The following CSMD3 variants were observed in gnomAD, a reference collection of about 807,000 sequenced individuals.
CSMD3 encodes CUB and Sushi multiple domains 3.
In CSMD3, 177 loss-of-function variants were observed where a neutral mutation model predicts 435.2. The observed-to-expected ratio is 0.41, with a 90% CI of 0.36 to 0.46. CSMD3 has a LOEUF of 0.46. CSMD3 is among the 20% of genes least tolerant of loss of function. CSMD3 has a pLI of 0.34. For missense variants in CSMD3, 4,265 were observed against 4,504.6 expected, an observed-to-expected ratio of 0.95 and a Z score of 1.52; for synonymous variants, 1,656 against 1,520.5, an observed-to-expected ratio of 1.09 and a Z score of -2.07.
chr8:113,215,738 T>A (rs2092896919), intron 3 of CSMD3, among the ~76,000 whole-genome samples: 1 of 151,916 alleles, frequency 6.6e-6, no homozygotes, highest in South Asian at 2.1e-4. Flanking sequence ...TTTTCTCTTC[T>A]GTATTACACA....
chr8:112,418,892 T>G (rs2130244687), intron 32 of CSMD3, among the ~76,000 whole-genome samples: 1 of 152,286 alleles, frequency 6.6e-6, no homozygotes, highest in South Asian at 2.1e-4. Context: ...TCACAAATAT[T>G]ATTTAAAATA....
chr8:112,552,601 T>C lies in CSMD3; in HGVS notation c.4354A>G (p.Ile1452Val), dbSNP rs1160249878. 6 of 1,611,940 alleles carry C rather than the reference T, an allele frequency of 3.7e-6. No homozygotes were observed. The highest frequency in any genetic ancestry group is 1.6e-4 in the Middle Eastern group (1 of 6,074). ...MWMIEVDPGN[I>V]VSLQFLAFDT... ...AAAATGAAATTCATTTACCTGACAA[T>C]ATTTCCAGGATCTACCTCAATCATC... Residue 1452 changes from isoleucine (I) to valine (V), a missense_variant, in exon 26 of 71, where the codon ATT (isoleucine) becomes GTT (valine). Physicochemically the swap from Ile to Val is conservative, Grantham distance 29. Around this residue, in one of 3 missense-constraint regions of CSMD3, gnomAD observed 3,255 missense variants for 3,380.2 expected, o/e 0.96. Coordinates refer to ENST00000297405, the MANE Select transcript of CSMD3 (RefSeq NM_198123.2).
intron 12 of CSMD3, among the ~76,000 whole-genome samples, chr8:112,801,205 G>C (rs989493693): frequency 6.6e-6 from 1 of 151,990 alleles, no homozygotes; most frequent in African/African-American, 2.4e-5. Context: ...CATCAGGAAA[G>C]TATAAAGTTT....
At chr8:113,382,704 G>A (rs1035957531) in intron 1 of CSMD3, among the ~76,000 whole-genome samples, 21 of 152,104 alleles carry the variant, frequency 1.4e-4, no homozygotes, top group Non-Finnish European at 2.4e-4. Context: ...AGTTGGCCAG[G>A]CGTGGTGGCT....
At chr8:112,407,166 T>C (rs73700696) in intron 34 of CSMD3, among the ~76,000 whole-genome samples, 3,099 of 151,954 alleles carry the variant, frequency 0.02, 102 homozygotes, top group African/African-American at 0.07. Context: ...ACAGATTTTA[T>C]AAAGGCAAAC....
At chr8:113,024,294 GTGTGTGTGTGTGTGTGTGTGTGTGTT>G (rs1367606023) in intron 5 of CSMD3, among the ~76,000 whole-genome samples, 24 of 480 alleles carry the variant, frequency 0.05, no homozygotes, top group South Asian at 0.41. Flanking sequence ...AGTATTGTGT[GTGTGTGTGTGTGTGTGTGTGTGTGTT>G]TGTGTGTGTG....
At chr8:113,338,167 C>T (rs72670769) in intron 1 of CSMD3, among the ~76,000 whole-genome samples, 19,822 of 151,696 alleles carry the variant, frequency 0.13, 2,255 homozygotes, top group African/African-American at 0.31. Context: ...CAAAAGAGCA[C>T]ATGAAAAGAT....
chr8:112,574,442 C>T (rs1829781919), intron 23 of CSMD3, among the ~76,000 whole-genome samples: 1 of 151,826 alleles, frequency 6.6e-6, no homozygotes, highest in African/African-American at 2.4e-5. Flanking sequence ...TACGTGTAAC[C>T]TCATGTTTTT....
intron 11 of CSMD3, among the ~76,000 whole-genome samples, chr8:112,830,534 A>G (rs1294842585): frequency 6.6e-6 from 1 of 152,136 alleles, no homozygotes; most frequent in Non-Finnish European, 1.5e-5. Context: ...TGTAATTAAG[A>G]ATCAGTACAG....
rs373557662 is a variant in CSMD3 at position 112,921,649 on chromosome 8, A to T, written c.1611T>A (p.Ser537Arg). 1 of 1,612,654 alleles carries T rather than the reference A, an allele frequency of 6.2e-7. No homozygotes were observed. Among genetic ancestry groups the T allele is most frequent in the African/African-American group, 1.3e-5 (1 of 74,828 alleles). ...TACCTTTACACACAGGCCTGTGATC[A>T]CTCCAAGCAGCAAAAACTTCAGCTA... ...QRIAEVFAAW[S>R]DHRPVCKVKT... Residue 537 changes from serine to arginine, a missense_variant, in exon 10 of 71, where the codon AGT becomes AGA. Physicochemically the swap from Ser to Arg is moderately radical, Grantham distance 110. Transcript: ENST00000297405.
At chr8:112,542,880 T>A (rs575628387) in intron 27 of CSMD3, among the ~76,000 whole-genome samples, 6 of 151,636 alleles carry the variant, frequency 4.0e-5, no homozygotes, top group African/African-American at 1.5e-4. Context: ...TATAGAACAA[T>A]GGAAGAGAAT....
intron 3 of CSMD3, among the ~76,000 whole-genome samples, chr8:113,223,261 T>C (rs574788628): frequency 2.9e-4 from 44 of 150,762 alleles, no homozygotes; most frequent in Admixed American, 1.9e-3. Context: ...TATTGTTAGC[T>C]CAATGAAATT....
intron 3 of CSMD3, among the ~76,000 whole-genome samples, chr8:113,189,126 TC>T (rs975393986): frequency 2.2e-4 from 33 of 152,014 alleles, no homozygotes; most frequent in African/African-American, 7.9e-4. Flanking sequence ...AGTTCATTTA[TC>T]TTTACTGAGA....
intron 1 of CSMD3, among the ~76,000 whole-genome samples, chr8:113,401,515 T>C (rs1358477593): frequency 6.6e-6 from 1 of 151,682 alleles, no homozygotes; most frequent in African/African-American, 2.4e-5. Flanking sequence ...CGCCTACATT[T>C]CACATATTGT....
rs2355201 is a variant in CSMD3, at chr8:112,763,704, T to A, written c.1972+36458A>T. Among the ~76,000 whole-genome samples the A allele has an allele frequency of 2.1e-3, 312 of 150,672 alleles. 1 individual carries two copies. The highest frequency in any genetic ancestry group is 7.2e-3 in the African/African-American group (298 of 41,266). ...GGAGTTTGCTATTATAATTTTTTTT[T>A]ATTTTATTTATTGAGCTTTGCTTCT... On this transcript the variant is annotated intron_variant, in intron 13 of 70. Transcript: ENST00000297405.
intron 30 of CSMD3, 128 bp from the exon 31 acceptor site, chr8:112,492,811 A>ACT: frequency 1.3e-6 from 1 of 783,608 alleles, no homozygotes; most frequent in African/African-American, 1.7e-5. Flanking sequence ...CTGTATCTGT[A>ACT]CTGAATATAT....
At chr8:112,543,979 A>G (rs1034230315) in intron 27 of CSMD3, among the ~76,000 whole-genome samples, 1 of 152,184 alleles carries the variant, frequency 6.6e-6, no homozygotes, top group African/African-American at 2.4e-5. Context: ...CAGAAACACA[A>G]CTACTGCATG....
At position 112,804,660 on chromosome 8, in the gene CSMD3, AT is replaced by A. The variant is rs1308702377; in HGVS notation, c.1860-4387del. On this transcript the variant is annotated intron_variant, in intron 12 of 70. Transcript: ENST00000297405. ...CATGCTAACTCATTGCATTTATTTTATTTTATTTTATTTTATTTTTTTTGAG... is the reference window on the plus strand; with the variant it reads ...CATGCTAACTCATTGCATTTATTTTATTTATTTTATTTTATTTTTTTTGAG... 2.6e-3 allele frequency among the ~76,000 whole-genome samples: 16 copies of A among 6,158 alleles called. No individual in the cohort carries two copies. In the East Asian group the frequency reaches 0.1, roughly 38 times the overall value. 4.0% of individuals were successfully genotyped at this position (6,158 alleles called of 152,430 possible). A position where few individuals can be genotyped will look rare whatever the true frequency, so the allele number is the denominator to read the frequency against.
At position 112,956,657 on chromosome 8, in the gene CSMD3, C is replaced by T. The variant is rs138045244; in HGVS notation, c.1343-1896G>A. Among the ~76,000 whole-genome samples the T allele has an allele frequency of 6.6e-3, 1,011 of 152,110 alleles. 12 individuals are homozygous for T. Among genetic ancestry groups the T allele is most frequent in the African/African-American group, 0.023 (962 of 41,506 alleles). Reference sequence around the variant, plus strand: ...GAAAATGCAAAAGAATAAAATCCTACGGATCAAAGAGTTCAATGTTGTAAA... The same window carrying T: ...GAAAATGCAAAAGAATAAAATCCTATGGATCAAAGAGTTCAATGTTGTAAA... On this transcript the variant is annotated intron_variant, in intron 7 of 70. Coordinates refer to ENST00000297405, the MANE Select transcript of CSMD3 (RefSeq NM_198123.2).
Sources: gnomAD v4.1 joint callset for allele counts (sites outside exome capture counted in the v4.1 genomes callset) on GRCh38, gnomAD v4.1.1 for gene constraint, gnomAD v4.1.1 regional missense constraint, MANE v1.5 for transcripts, NCBI Gene and HGNC (gene_info 2026-07-23, HGNC 2026-07-21) for gene names.